The following PHIP variants were observed in gnomAD, a reference collection of about 807,000 sequenced individuals.
PHIP encodes PHIP subunit of CUL4-Ring ligase complex.
PHIP carries 54 observed loss-of-function variants against 236.8 expected under a neutral mutation model. The ratio of observed to expected loss-of-function variants is 0.23; its 90% CI spans 0.18 to 0.29. PHIP has a LOEUF of 0.29. PHIP is among the 10% of genes least tolerant of loss of function. The probability of loss-of-function intolerance (pLI) is 1.00; values close to 1 mark genes in which losing one functional copy is unlikely to be tolerated. For missense variants in PHIP, 1,370 were observed against 2,190.8 expected (o/e 0.63, Z 7.48); for synonymous variants, 756 against 718.9 (o/e 1.05, Z -0.83).
chr6:78,989,727 T>C (rs1318017006), intron 20 of PHIP, among the ~76,000 whole-genome samples: 1 of 152,190 alleles, frequency 6.6e-6, no homozygotes. Flanking sequence ...TAAGCACATC[T>C]TTTAATTTTA....
chr6:78,947,559 T>C, intron 36 of PHIP, 64 bp downstream of exon 36: 2 of 746,288 alleles, frequency 2.7e-6, no homozygotes, highest in Admixed American at 2.7e-5. Context: ...AAAGCAACAT[T>C]TAGTCATTTA....
rs1301136123 is a variant in PHIP at position 78,985,425 on chromosome 6, C to T, written c.2464G>A (p.Gly822Ser). 1 of 1,557,692 alleles carries T rather than the reference C, an allele frequency of 6.4e-7. No individual in the cohort carries two copies. The highest frequency in any genetic ancestry group is 1.4e-5 in the African/African-American group (1 of 73,852). ...CCACCACTGACAGCAACTACTTCGCCTTCCTAAGATATGTTGAATACATGT... is the reference window on the plus strand; with the variant it reads ...CCACCACTGACAGCAACTACTTCGCTTTCCTAAGATATGTTGAATACATGT... ...IENGSSSSDE[G>S]EVVAVSGGTS... is the part of the protein sequence containing the mutation. Residue 822 changes from glycine (G) to serine (S), a missense_variant, in exon 22 of 40, where the codon GGC becomes AGC. Gly to Ser is a moderately conservative substitution (Grantham distance 56). Coordinates refer to ENST00000275034, the MANE Select transcript of PHIP (RefSeq NM_017934.7).
chr6:79,007,508 A>C (rs1477919418), intron 15 of PHIP, among the ~76,000 whole-genome samples: 1 of 152,152 alleles, frequency 6.6e-6, no homozygotes, highest in Non-Finnish European at 1.5e-5. Flanking sequence ...ATCATGAAGA[A>C]TATACAGAGA....
At chr6:78,946,342 T>C in intron 37 of PHIP, 82 bp from the exon 38 acceptor site, 1 of 1,440,276 alleles carries the variant, frequency 6.9e-7, no homozygotes, top group Non-Finnish European at 9.3e-7. Flanking sequence ...TTGGATTCAA[T>C]ATTTGTACTA....
chr6:78,998,904 G>C (rs1433778254), intron 17 of PHIP, among the ~76,000 whole-genome samples: 3 of 152,134 alleles, frequency 2.0e-5, no homozygotes, highest in African/African-American at 7.2e-5. Flanking sequence ...TGGTAAATAA[G>C]GGACATGAAG....
chr6:78,948,401 G>A (rs1773947332), intron 35 of PHIP, among the ~76,000 whole-genome samples: 1 of 152,252 alleles, frequency 6.6e-6, no homozygotes, highest in South Asian at 2.1e-4. Context: ...ACACACACGT[G>A]AAACAGGAAG....
chr6:79,010,507 A>G (rs1013213807), intron 15 of PHIP, among the ~76,000 whole-genome samples: 1 of 151,548 alleles, frequency 6.6e-6, no homozygotes, highest in Non-Finnish European at 1.5e-5. Flanking sequence ...TGAAACAACA[A>G]AGTAAAGCAA....
intron 4 of PHIP, among the ~76,000 whole-genome samples, chr6:79,061,365 A>G (rs1773368138): frequency 6.6e-6 from 1 of 152,172 alleles, no homozygotes; most frequent in Non-Finnish European, 1.5e-5. Context: ...GAACCCCTGG[A>G]GGTCCCTCAG....
intron 19 of PHIP, among the ~76,000 whole-genome samples, chr6:78,993,145 C>T (rs939955204): frequency 3.9e-5 from 6 of 152,206 alleles, no homozygotes; most frequent in African/African-American, 1.4e-4. Flanking sequence ...CAGAGCAAGG[C>T]TCTAACTCTA....
At chr6:79,060,968 A>G (rs769895403) in intron 4 of PHIP, 150 bp from the exon 5 acceptor site, 2 of 525,272 alleles carry the variant, frequency 3.8e-6, no homozygotes, top group Non-Finnish European at 6.6e-6. Context: ...TTAAGAATTA[A>G]GAACTGATAG....
At chr6:79,006,007 T>C (rs1457542926) in intron 15 of PHIP, among the ~76,000 whole-genome samples, 1 of 152,060 alleles carries the variant, frequency 6.6e-6, no homozygotes, top group East Asian at 1.9e-4. Context: ...CACATTTCAT[T>C]GTGAATATGG....
intron 23 of PHIP, among the ~76,000 whole-genome samples, chr6:78,980,181 C>G (rs79257699): frequency 6.6e-6 from 1 of 152,062 alleles, no homozygotes; most frequent in East Asian, 1.9e-4. Flanking sequence ...AAATTTTTAT[C>G]GGAACACAGC....
At chr6:79,053,221 G>A (rs1772891537) in intron 6 of PHIP, among the ~76,000 whole-genome samples, 1 of 152,098 alleles carries the variant, frequency 6.6e-6, no homozygotes, top group Admixed American at 6.5e-5. Flanking sequence ...GGCTGAGGCA[G>A]GAGAATGGCT....
intron 7 of PHIP, among the ~76,000 whole-genome samples, chr6:79,029,788 C>G (rs1024180254): frequency 2.0e-5 from 3 of 152,060 alleles, no homozygotes; most frequent in Non-Finnish European, 4.4e-5. Context: ...CCTTGGCCTC[C>G]CAACGTGCTG....
At chr6:79,019,565 T>C (rs1771006481) in intron 9 of PHIP, among the ~76,000 whole-genome samples, 1 of 152,142 alleles carries the variant, frequency 6.6e-6, no homozygotes, top group Non-Finnish European at 1.5e-5. Flanking sequence ...GCCTTATGTA[T>C]ACCATCAATA....
chr6:79,033,384 T>C (rs562310835), intron 7 of PHIP, among the ~76,000 whole-genome samples: 5 of 152,332 alleles, frequency 3.3e-5, no homozygotes, highest in Admixed American at 6.5e-5. Flanking sequence ...TCACCTGTAA[T>C]TGAGAATCTA....
chr6:79,003,996 T>C, intron 15 of PHIP, 138 bp from the exon 16 acceptor site: 1 of 507,112 alleles, frequency 2.0e-6, no homozygotes, highest in Non-Finnish European at 3.3e-6. Context: ...TGTACAGTAA[T>C]AAAATTTATG....
intron 6 of PHIP, among the ~76,000 whole-genome samples, chr6:79,046,358 A>T (rs1372421738): frequency 6.6e-6 from 1 of 152,200 alleles, no homozygotes. Flanking sequence ...AGCCCCTGCC[A>T]TCACCCATAA....
rs1379677196 is a variant in PHIP at position 78,937,775 on chromosome 6, C to A, written c.*2918G>T. On this transcript the variant is annotated 3_prime_UTR_variant, in exon 40 of 40. Transcript: ENST00000275034. ...TTTAAAAAGCTATGTATCTATTGCC[C>A]AGGGCTGTGAGTCTCTGATTAGACT... The A allele has an allele frequency of 6.6e-6, 1 of 151,658 alleles. No individual in the cohort carries two copies. Among genetic ancestry groups the A allele is most frequent in the Non-Finnish European group, 1.5e-5 (1 of 67,644 alleles). 9.4% of individuals were successfully genotyped at this position (151,658 alleles called of 1,614,324 possible).
Sources: gnomAD v4.1 joint callset for allele counts (sites outside exome capture counted in the v4.1 genomes callset) on GRCh38, gnomAD v4.1.1 for gene constraint, MANE v1.5 for transcripts, NCBI Gene and HGNC (gene_info 2026-07-23, HGNC 2026-07-21) for gene names.